Variants in LPP observed in about 807,000 individuals in gnomAD.
LPP encodes LIM domain containing preferred translocation partner in lipoma.
LPP carries 38 observed loss-of-function variants against 60.4 expected under a neutral mutation model. The observed-to-expected ratio is 0.63, with a 90% confidence interval of 0.49 to 0.83. The LOEUF (loss-of-function observed/expected upper bound fraction) is 0.83. LPP is among the 40% of genes least tolerant of loss of function. LPP has a pLI of 0.00. For synonymous variants in LPP, 328 were observed against 290.8 expected (o/e 1.13, Z -1.30); for missense variants, 902 against 783.6 (o/e 1.15, Z -1.80).
At chr3:188,449,305 T>C (rs1357410785) in intron 4 of LPP, among the ~76,000 whole-genome samples, 2 of 152,148 alleles carry the variant, frequency 1.3e-5, no homozygotes, top group African/African-American at 4.8e-5. Context: ...TTCTTTCTTT[T>C]CTTTTCCTCA....
chr3:188,726,476 G>A (rs1354511493), intron 8 of LPP, among the ~76,000 whole-genome samples: 1 of 152,154 alleles, frequency 6.6e-6, no homozygotes, highest in Non-Finnish European at 1.5e-5. Context: ...TGCTACAGCA[G>A]ATGAAAAGCT....
At chr3:188,211,093 T>A (rs758699142) in intron 1 of LPP, among the ~76,000 whole-genome samples, 1 of 152,226 alleles carries the variant, frequency 6.6e-6, no homozygotes, top group Non-Finnish European at 1.5e-5. Flanking sequence ...AATGAATGTG[T>A]AATGACCCTT....
At chr3:188,278,578 G>C (rs923565751) in intron 2 of LPP, among the ~76,000 whole-genome samples, 3 of 152,020 alleles carry the variant, frequency 2.0e-5, no homozygotes, top group African/African-American at 7.2e-5. Flanking sequence ...ACAAGCTAGG[G>C]ACAGCTTGAC....
At chr3:188,670,357 G>A (rs1856721340) in intron 7 of LPP, among the ~76,000 whole-genome samples, 1 of 152,072 alleles carries the variant, frequency 6.6e-6, no homozygotes, top group Non-Finnish European at 1.5e-5. Flanking sequence ...GTTTACAGAT[G>A]GGAGAAAGAG....
Position 188,359,281 on chromosome 3 carries a change from C to T in LPP, c.-10+17562C>T, listed in dbSNP as rs142945649. 2.3e-3 allele frequency among the ~76,000 whole-genome samples: 351 copies of T among 152,202 alleles called. 3 individuals carry two copies. The highest frequency in any genetic ancestry group is 8.1e-3 in the African/African-American group (337 of 41,524). ...TGTCAGTTAGAAAGCAAGCTGCATC[C>T]GAGGTAACAAACTTGAGGAGCTGCA... is the stretch of plus-strand genomic sequence containing the variant. On this transcript the variant is annotated intron_variant, in intron 3 of 11. Coordinates refer to ENST00000617246, the MANE Select transcript of LPP (RefSeq NM_001375462.1).
chr3:188,405,118 C>T (rs1052446255), intron 3 of LPP, among the ~76,000 whole-genome samples: 1 of 152,172 alleles, frequency 6.6e-6, no homozygotes, highest in African/African-American at 2.4e-5. Flanking sequence ...CTTTGTTGTG[C>T]GGGGCTGACC....
chr3:188,286,444 A>G (rs1310137466), intron 2 of LPP, among the ~76,000 whole-genome samples: 1 of 152,190 alleles, frequency 6.6e-6, no homozygotes, highest in Non-Finnish European at 1.5e-5. Context: ...CACTTACTCT[A>G]GGTGGATGAG....
chr3:188,465,060 T>C (rs533228386), intron 4 of LPP, among the ~76,000 whole-genome samples: 1 of 152,186 alleles, frequency 6.6e-6, no homozygotes, highest in Admixed American at 6.6e-5. Context: ...CCATGATCTT[T>C]TTATCAAATT....
chr3:188,647,226 A>G (rs1417428516), intron 7 of LPP, among the ~76,000 whole-genome samples: 1 of 152,216 alleles, frequency 6.6e-6, no homozygotes, highest in Non-Finnish European at 1.5e-5. Context: ...CACCCTGTGC[A>G]GGACTCTGCT....
At chr3:188,524,826 C>T (rs1296564559) in intron 6 of LPP, 39 bp downstream of exon 6, 1 of 1,594,950 alleles carries the variant, frequency 6.3e-7, no homozygotes, top group Admixed American at 1.7e-5. Flanking sequence ...CAGCCATTCC[C>T]AGATATTCTA....
chr3:188,558,206 G>A (rs754818305), intron 6 of LPP, among the ~76,000 whole-genome samples: 5 of 152,060 alleles, frequency 3.3e-5, no homozygotes, highest in East Asian at 1.9e-4. Flanking sequence ...GAACGAAAAC[G>A]CATGTATTCA....
intron 2 of LPP, among the ~76,000 whole-genome samples, chr3:188,256,660 A>G (rs1275100510): frequency 2.0e-5 from 3 of 152,202 alleles, no homozygotes; most frequent in Admixed American, 6.5e-5. Context: ...ACGTATAGCA[A>G]CATCAATGAT....
chr3:188,868,562 T>G (rs1225517774), intron 10 of LPP, among the ~76,000 whole-genome samples: 3 of 152,272 alleles, frequency 2.0e-5, no homozygotes, highest in South Asian at 4.1e-4. Context: ...GGGAGAGAAG[T>G]TTTTTGATCC....
At chr3:188,397,269 G>A (rs983261810) in intron 3 of LPP, among the ~76,000 whole-genome samples, 8 of 152,152 alleles carry the variant, frequency 5.3e-5, no homozygotes, top group African/African-American at 1.7e-4. Flanking sequence ...CATTGGATAA[G>A]TTTCTTTAGC....
At chr3:188,597,124 A>C (rs1840141214) in intron 6 of LPP, among the ~76,000 whole-genome samples, 1 of 152,156 alleles carries the variant, frequency 6.6e-6, no homozygotes, top group South Asian at 2.1e-4. Flanking sequence ...TCTAATCCTG[A>C]CCCTCTGAAG....
intron 6 of LPP, among the ~76,000 whole-genome samples, chr3:188,598,351 T>A (rs1261693893): frequency 6.6e-6 from 1 of 152,086 alleles, no homozygotes; most frequent in Non-Finnish European, 1.5e-5. Context: ...AAGCAGTCAG[T>A]TTCTTTAAAA....
At chr3:188,323,131 C>T (rs992023881) in intron 2 of LPP, among the ~76,000 whole-genome samples, 1 of 152,180 alleles carries the variant, frequency 6.6e-6, no homozygotes, top group African/African-American at 2.4e-5. Context: ...GTAGACTCAT[C>T]TCTGTACTGC....
rs369013126 is a variant in LPP, at chr3:188,597,931, G to A, written c.430-11230G>A. On this transcript the variant is annotated intron_variant, in intron 6 of 11. Transcript: ENST00000617246. ...TAGAGAGGAAAGGAACACTAAATAA[G>A]TAATTGCAAAACAAGACGTAAGGGT... 1.8e-4 allele frequency among the ~76,000 whole-genome samples: 28 copies of A among 152,272 alleles called. No homozygotes were observed. In the South Asian group the frequency reaches 5.4e-3, roughly 29 times the overall value.
At position 188,877,106 on chromosome 3, in the gene LPP, A is replaced by G. The variant is rs1361307666; in HGVS notation, c.*2627A>G. 5.8e-6 allele frequency: 1 copy of G among 173,742 alleles called. No homozygotes were observed. The highest frequency in any genetic ancestry group is 1.2e-5 in the Non-Finnish European group (1 of 80,510). The allele number at this position is 173,742 out of a possible 1,614,324, so 10.8% of individuals were successfully genotyped here. On this transcript the variant is annotated 3_prime_UTR_variant, in exon 12 of 12. Coordinates refer to ENST00000617246, the MANE Select transcript of LPP (RefSeq NM_001375462.1). Reference sequence around the variant, plus strand: ...CAAGGTATAATAAGGAAAGGATCCTACAATATTTTATTCTAGGGTTTCTTA... The same window carrying G: ...CAAGGTATAATAAGGAAAGGATCCTGCAATATTTTATTCTAGGGTTTCTTA...
Sources: gnomAD v4.1 joint callset for allele counts (sites outside exome capture counted in the v4.1 genomes callset) on GRCh38, gnomAD v4.1.1 for gene constraint, MANE v1.5 for transcripts, NCBI Gene and HGNC (gene_info 2026-07-23, HGNC 2026-07-21) for gene names.